CRCP: variants seen among roughly 807,000 people sequenced by gnomAD.
CRCP encodes the protein DNA-directed RNA polymerase III subunit RPC9.
Under a neutral mutation model 18.5 loss-of-function variants are expected in CRCP, and 18 were observed. The observed-to-expected ratio is 0.97, with a 90% CI of 0.67 to 1.44. The LOEUF (loss-of-function observed/expected upper bound fraction) is 1.44, where lower values mean the gene tolerates loss of function less well. CRCP is among the 40% of genes most tolerant of loss of function. The probability of loss-of-function intolerance (pLI) is 0.00; values close to 1 mark genes in which losing one functional copy is unlikely to be tolerated. For missense variants in CRCP, 130 were observed against 176.4 expected (o/e 0.74, Z 1.49); for synonymous variants, 53 against 62.9 (o/e 0.84, Z 0.75).
At chr7:66,150,948 T>G (rs1788439302) in intron 5 of CRCP, 1 of 152,204 alleles carries the variant, frequency 6.6e-6, no homozygotes. Context: ...TGGCTCAGGC[T>G]GTGAGTATCA....
chr7:66,143,182 C>A (rs552644296), intron 4 of CRCP, among the ~76,000 whole-genome samples: 1 of 152,312 alleles, frequency 6.6e-6, no homozygotes, highest in Admixed American at 6.5e-5. Flanking sequence ...ACTGGCATGC[C>A]TGCTCCTGCT....
At chr7:66,136,438 C>G (rs1477625698) in intron 4 of CRCP, among the ~76,000 whole-genome samples, 1 of 152,124 alleles carries the variant, frequency 6.6e-6, no homozygotes, top group Non-Finnish European at 1.5e-5. Flanking sequence ...CCATGTTGAT[C>G]AGGCTGGTCT....
At chr7:66,115,097 T>G in intron 1 of CRCP, 127 bp downstream of exon 1, 6 of 1,358,464 alleles carry the variant, frequency 4.4e-6, no homozygotes, top group Non-Finnish European at 6.0e-6. Context: ...GGGCCGGCCC[T>G]GTCCGGGAGG....
intron 1 of CRCP, among the ~76,000 whole-genome samples, chr7:66,117,117 C>CAAAA (rs34224463): frequency 1.2e-5 from 1 of 81,144 alleles, no homozygotes. Flanking sequence ...AAGACTGTCT[C>CAAAA]AAAAAAAAAA....
intron 5 of CRCP, 24 bp from the exon 6 acceptor site, chr7:66,152,184 G>A: frequency 6.2e-7 from 1 of 1,613,592 alleles, no homozygotes. Context: ...TTGTAACCCT[G>A]GAGGATTTTC....
At chr7:66,130,686 TTG>T (rs1173918484) in intron 2 of CRCP, 56 bp from the exon 3 acceptor site, 2 of 1,027,346 alleles carry the variant, frequency 1.9e-6, no homozygotes, top group African/African-American at 3.2e-5. Context: ...ACCACTGACC[TTG>T]GATAGATATA....
rs147087119 is a variant in CRCP at position 66,152,248 on chromosome 7, T to G, written c.338T>G (p.Ile113Ser). 8 of 1,614,002 alleles carry G rather than the reference T, an allele frequency of 5.0e-6. No individual in the cohort carries two copies. The highest frequency in any genetic ancestry group is 2.2e-5 in the East Asian group (1 of 44,862). ...ESEERLTEEQ[I>S]EALLHTVTSI... ...GAAGAGCGGCTCACGGAGGAGCAGA[T>G]TGAAGCTCTTCTCCACACCGTCACC... Residue 113 changes from isoleucine (I) to serine (S), a missense_variant, in exon 6 of 6, where the codon ATT (isoleucine) becomes AGT (serine). Coordinates refer to ENST00000395326, the MANE Select transcript of CRCP (RefSeq NM_014478.5).
At chr7:66,130,674 A>T (rs1787772273) in intron 2 of CRCP, 70 bp from the exon 3 acceptor site, 2 of 908,254 alleles carry the variant, frequency 2.2e-6, no homozygotes, top group African/African-American at 3.3e-5. Flanking sequence ...TTATCCTTCA[A>T]AACCACTGAC....
chr7:66,143,494 G>T (rs1055247245), intron 4 of CRCP, among the ~76,000 whole-genome samples: 2 of 152,064 alleles, frequency 1.3e-5, no homozygotes, highest in African/African-American at 2.4e-5. Flanking sequence ...GCCCTGGCTG[G>T]CTGTCCCTCC....
intron 3 of CRCP, among the ~76,000 whole-genome samples, chr7:66,131,762 A>G (rs1787810849): frequency 6.6e-6 from 1 of 152,034 alleles, no homozygotes; most frequent in Admixed American, 6.6e-5. Context: ...TTATTTTGAA[A>G]TCATTTTTCT....
intron 3 of CRCP, among the ~76,000 whole-genome samples, chr7:66,132,673 T>C (rs1246124597): frequency 6.6e-6 from 1 of 152,102 alleles, no homozygotes; most frequent in Non-Finnish European, 1.5e-5. Context: ...CCCAGCACTT[T>C]GGGAGGCCGA....
At chr7:66,132,979 C>T (rs747581739) in intron 3 of CRCP, among the ~76,000 whole-genome samples, 28 of 151,856 alleles carry the variant, frequency 1.8e-4, no homozygotes, top group Non-Finnish European at 3.4e-4. Flanking sequence ...CAAGGGGAAG[C>T]GGGGCGGGGG....
chr7:66,140,255 A>T (rs575955986), intron 4 of CRCP, among the ~76,000 whole-genome samples: 5 of 152,316 alleles, frequency 3.3e-5, no homozygotes, highest in African/African-American at 1.2e-4. Flanking sequence ...AAGGGGAAAA[A>T]GCCCCAAGAA....
chr7:66,123,119 T>C (rs1787501245), intron 1 of CRCP, among the ~76,000 whole-genome samples: 1 of 151,942 alleles, frequency 6.6e-6, no homozygotes, highest in Non-Finnish European at 1.5e-5. Context: ...TACGCCCGGC[T>C]AATTTTTTGT....
At chr7:66,131,196 G>C (rs1175474091) in intron 3 of CRCP, among the ~76,000 whole-genome samples, 1 of 152,030 alleles carries the variant, frequency 6.6e-6, no homozygotes, top group Non-Finnish European at 1.5e-5. Context: ...GGATGGTCTC[G>C]ATCTCCTGAC....
chr7:66,115,689 G>T (rs1008539879), intron 1 of CRCP, among the ~76,000 whole-genome samples: 4 of 152,158 alleles, frequency 2.6e-5, no homozygotes, highest in Non-Finnish European at 4.4e-5. Context: ...ATATTAATTT[G>T]TAGGTATTAC....
chr7:66,120,655 G>C (rs921193666), intron 1 of CRCP: 3 of 151,918 alleles, frequency 2.0e-5, no homozygotes, highest in African/African-American at 7.3e-5. Flanking sequence ...ACACGAGCTT[G>C]AACTTCATGG....
chr7:66,145,472 G>A lies in CRCP; in HGVS notation c.269G>A (p.Arg90Gln), dbSNP rs780485323. Residue 90 changes from arginine (R) to glutamine (Q), a missense_variant, in exon 5 of 6, where the codon CGG becomes CAG. Coordinates refer to ENST00000395326, the MANE Select transcript of CRCP (RefSeq NM_014478.5). The stretch of plus-strand genomic sequence containing the variant: ...GAGAAGCTCCAGCTGCTGAACCACC[G>A]GCCTGTGACTGCTGTGGAGATCCAG... ...KAEKLQLLNH[R>Q]PVTAVEIQLM... The A allele has an allele frequency of 2.9e-5, 47 of 1,613,868 alleles. No homozygotes were observed. The highest frequency in any genetic ancestry group is 6.7e-5 in the African/African-American group (5 of 74,928).
rs1485973797 is a variant in CRCP at position 66,127,689 on chromosome 7, A to G, written c.9-15A>G. The stretch of plus-strand genomic sequence containing the variant: ...TGTGAGCCCAGACTGATGATAGCTT[A>G]CTTTTCTTTTTCAGGAAGGATGCCA... On this transcript the variant is annotated splice_polypyrimidine_tract_variant and intron_variant, in intron 1 of 5. Transcript: ENST00000395326. The G allele has an allele frequency of 6.2e-7, 1 of 1,614,072 alleles. No homozygotes were observed.
Sources: gnomAD v4.1 joint callset for allele counts (sites outside exome capture counted in the v4.1 genomes callset) on GRCh38, gnomAD v4.1.1 for gene constraint, MANE v1.5 for transcripts, NCBI Gene and HGNC (gene_info 2026-07-23, HGNC 2026-07-21) for gene names.